The following RERG variants were observed in gnomAD, a reference collection of about 807,000 sequenced individuals.
The protein encoded by RERG is ras-related and estrogen-regulated growth inhibitor.
A neutral mutation model predicts 23.2 loss-of-function variants in RERG; 25 were observed. The observed-to-expected ratio is 1.08, with a 90% CI of 0.79 to 1.50. The LOEUF (loss-of-function observed/expected upper bound fraction) is 1.50. RERG is among the 40% of genes most tolerant of loss of function. The pLI, the probability that RERG is intolerant of heterozygous loss-of-function variation, is 0.00. For missense variants in RERG, 253 were observed against 250.1 expected, an observed-to-expected ratio of 1.01 and a Z score of -0.08; for synonymous variants, 81 against 89.1, an observed-to-expected ratio of 0.91 and a Z score of 0.51.
chr12:15,115,589 T>A (rs1863704827), intron 3 of RERG, among the ~76,000 whole-genome samples: 2 of 152,150 alleles, frequency 1.3e-5, no homozygotes, highest in South Asian at 2.1e-4. Context: ...AACTCAATTC[T>A]TTGTACCCAA....
At chr12:15,208,402 T>C (rs1243411119) in intron 2 of RERG, among the ~76,000 whole-genome samples, 1 of 152,202 alleles carries the variant, frequency 6.6e-6, no homozygotes, top group Non-Finnish European at 1.5e-5. Context: ...GAAACCACTT[T>C]GGTCATAATA....
At chr12:15,193,706 G>A (rs138391197) in intron 2 of RERG, among the ~76,000 whole-genome samples, 44 of 152,280 alleles carry the variant, frequency 2.9e-4, no homozygotes, top group African/African-American at 9.6e-4. Context: ...AGGAACAAGA[G>A]TGCTGTACTT....
intron 2 of RERG, among the ~76,000 whole-genome samples, chr12:15,163,259 GGAA>G (rs906813785): frequency 6.6e-6 from 1 of 152,150 alleles, no homozygotes. Context: ...CAGGGAGCAG[GGAA>G]GAAGAAGAGA....
At position 15,109,315 on chromosome 12, in the gene RERG, T is replaced by A. The variant is rs771987061; in HGVS notation, c.395A>T (p.Glu132Val). Residue 132 changes from glutamate to valine, a missense_variant, in exon 5 of 5, where the codon GAA becomes GTA. Glu to Val is a moderately radical substitution (Grantham distance 121). Transcript: ENST00000256953. ...CAATTCTGTGGCCAGCTTCTCTCCT[T>A]CTTCTGTGCTAACCTGCCTGGAGTG... is the stretch of plus-strand genomic sequence containing the variant. Reference protein sequence around the residue: ...LDHSRQVSTEEGEKLATELAC... With the variant: ...LDHSRQVSTEVGEKLATELAC... 16 of 1,613,978 alleles carry A rather than the reference T, an allele frequency of 9.9e-6. No individual in the cohort carries two copies. Among genetic ancestry groups the A allele is most frequent in the Non-Finnish European group, 1.4e-5 (16 of 1,180,002 alleles).
At chr12:15,166,730 G>A (rs1452642069) in intron 2 of RERG, among the ~76,000 whole-genome samples, 1 of 151,254 alleles carries the variant, frequency 6.6e-6, no homozygotes, top group African/African-American at 2.4e-5. Context: ...TATTCAGAAT[G>A]TTGTGTCAAC....
chr12:15,127,384 T>C (rs969157897), intron 2 of RERG, among the ~76,000 whole-genome samples: 1 of 152,266 alleles, frequency 6.6e-6, no homozygotes, highest in Non-Finnish European at 1.5e-5. Context: ...AGTATGTTTT[T>C]GTTACTTGAA....
At chr12:15,136,537 G>C (rs1452751967) in intron 2 of RERG, among the ~76,000 whole-genome samples, 4 of 151,876 alleles carry the variant, frequency 2.6e-5, no homozygotes, top group Non-Finnish European at 5.9e-5. Flanking sequence ...TGAATTCAAT[G>C]CTACAAATTT....
At chr12:15,197,640 A>C (rs920794212) in intron 2 of RERG, among the ~76,000 whole-genome samples, 6 of 152,212 alleles carry the variant, frequency 3.9e-5, no homozygotes, top group African/African-American at 1.4e-4. Flanking sequence ...AGAGTGCCTG[A>C]TATTGTATAA....
intron 2 of RERG, among the ~76,000 whole-genome samples, chr12:15,129,465 CAT>C (rs1381066590): frequency 2.6e-5 from 4 of 152,178 alleles, no homozygotes; most frequent in African/African-American, 7.2e-5. Context: ...TTTCTCCACA[CAT>C]GTGACTTTCA....
intron 2 of RERG, among the ~76,000 whole-genome samples, chr12:15,172,729 TA>T (rs1413842557): frequency 6.6e-6 from 1 of 152,104 alleles, no homozygotes; most frequent in Non-Finnish European, 1.5e-5. Context: ...CCCTAATGGC[TA>T]ATCAATGTGA....
chr12:15,203,824 A>G (rs1865249290), intron 2 of RERG, among the ~76,000 whole-genome samples: 1 of 151,660 alleles, frequency 6.6e-6, no homozygotes, highest in African/African-American at 2.4e-5. Context: ...AACAGTATCA[A>G]AAAGAATAAA....
chr12:15,200,026 A>G (rs1055388984), intron 2 of RERG, among the ~76,000 whole-genome samples: 2 of 152,110 alleles, frequency 1.3e-5, no homozygotes, highest in African/African-American at 2.4e-5. Context: ...CTCCACACGA[A>G]GTGCACAAAC....
At chr12:15,125,273 C>T (rs190034683) in intron 2 of RERG, among the ~76,000 whole-genome samples, 87 of 151,842 alleles carry the variant, frequency 5.7e-4, no homozygotes, top group African/African-American at 2.0e-3. Context: ...AACTTTAGTC[C>T]GTTATGGGTT....
At chr12:15,111,063 A>G in intron 4 of RERG, 1 of 255,510 alleles carries the variant, frequency 3.9e-6, no homozygotes. Context: ...ACTTATTAAT[A>G]TCTTGCTATG....
intron 2 of RERG, among the ~76,000 whole-genome samples, chr12:15,171,493 G>A (rs150780817): frequency 6.6e-6 from 1 of 152,298 alleles, no homozygotes; most frequent in South Asian, 2.1e-4. Flanking sequence ...CAGCTGAGGA[G>A]GTGGGAGGAG....
chr12:15,147,161 C>A (rs1295583873), intron 2 of RERG, among the ~76,000 whole-genome samples: 1 of 151,894 alleles, frequency 6.6e-6, no homozygotes, highest in Non-Finnish European at 1.5e-5. Context: ...ATGAATTCAC[C>A]AACCCCTAGT....
chr12:15,191,521 C>G (rs1159246860), intron 2 of RERG, among the ~76,000 whole-genome samples: 1 of 152,066 alleles, frequency 6.6e-6, no homozygotes, highest in Non-Finnish European at 1.5e-5. Flanking sequence ...TAGCTGCCAT[C>G]GTATTTAGGT....
intron 2 of RERG, among the ~76,000 whole-genome samples, chr12:15,150,933 T>C (rs900145083): frequency 2.6e-5 from 4 of 152,234 alleles, no homozygotes; most frequent in African/African-American, 9.6e-5. Context: ...ATTATTATTA[T>C]GCAATCTCCA....
intron 2 of RERG, among the ~76,000 whole-genome samples, chr12:15,132,822 A>ATTAT: frequency 6.6e-6 from 1 of 152,048 alleles, no homozygotes; most frequent in East Asian, 1.9e-4. Flanking sequence ...TTTTCATGTG[A>ATTAT]TTATTTGCTA....
Sources: allele counts gnomAD v4.1 joint callset (sites outside exome capture counted in the v4.1 genomes callset), GRCh38; gene constraint gnomAD v4.1.1; transcripts MANE v1.5; gene names NCBI Gene and HGNC (gene_info 2026-07-23, HGNC 2026-07-21).